Variants in COG1 observed in about 807,000 individuals in gnomAD.
COG1 encodes the protein conserved oligomeric Golgi complex subunit 1.
In COG1, 61 loss-of-function variants were observed where a neutral mutation model predicts 102.2. The observed-to-expected ratio is 0.60, with a 90% CI of 0.49 to 0.74. COG1 has a LOEUF of 0.74. Ranked by LOEUF, COG1 falls within the 30% of genes least tolerant of loss-of-function variation. COG1 has a pLI of 0.00. For missense variants in COG1, 1,164 were observed against 1,232.1 expected (o/e 0.94, Z 0.83); for synonymous variants, 454 against 493.6 (o/e 0.92, Z 1.06).
In COG1 at chr17:73,199,935, C is replaced by T. The variant is rs756930348; in HGVS notation, c.984C>T (p.Ile328=). 7 of 1,614,192 alleles carry T rather than the reference C, an allele frequency of 4.3e-6. No individual in the cohort carries two copies. In the Admixed American group the frequency reaches 8.3e-5, roughly 19 times the overall value. The change falls in exon 5 of 14, where the codon ATC becomes ATT. Residue 328 remains isoleucine (I), a synonymous_variant. Coordinates refer to ENST00000299886, the MANE Select transcript of COG1 (RefSeq NM_018714.3). The part of the protein sequence containing the change: ...CSWFKHLPAS[I]VEFQPTLRTL... ...GGTTTAAACACCTGCCAGCATCCAT[C>T]GTCGAGTTCCAGCCAACACTCCGAA...
intron 11 of COG1, 69 bp downstream of exon 11, chr17:73,206,331 C>G (rs980528802): frequency 1.7e-6 from 2 of 1,207,742 alleles, no homozygotes; most frequent in African/African-American, 3.0e-5. Flanking sequence ...AATTAACCTG[C>G]TCAAGCACGT....
At chr17:73,206,852 C>G in intron 12 of COG1, 35 bp downstream of exon 12, 1 of 1,466,008 alleles carries the variant, frequency 6.8e-7, no homozygotes, top group South Asian at 1.1e-5. Context: ...CGGGGCACTT[C>G]GGGAGGCCAA....
chr17:73,202,046 A>C lies in COG1; in HGVS notation c.2073+146A>C. The C allele has an allele frequency of 3.0e-6, 3 of 992,292 alleles. No individual in the cohort carries two copies. The South Asian group carries it at 4.1e-5, about 14-fold the overall frequency. The allele number at this position is 992,292 out of a possible 1,614,324, so 61.5% of individuals were successfully genotyped here. A position where few individuals can be genotyped will look rare whatever the true frequency, so the allele number is the denominator to read the frequency against. On this transcript the variant is annotated intron_variant, in intron 7 of 13. Coordinates refer to ENST00000299886, the MANE Select transcript of COG1 (RefSeq NM_018714.3). ...TTATCTCTGCCAGAAAGTTCAGTAA[A>C]AACTTTTTTGGCCGGGCGCGGTGGC...
rs1362790757 is a variant in COG1, at chr17:73,203,762, A to G, written c.2351A>G (p.Tyr784Cys). 11 of 1,614,246 alleles carry G rather than the reference A, an allele frequency of 6.8e-6. No individual in the cohort carries two copies. Among genetic ancestry groups the G allele is most frequent in the Non-Finnish European group, 9.3e-6 (11 of 1,180,044 alleles). ...KSCMVQVVAA[Y>C]EKLSEEKQIK... ...TGTATGGTTCAAGTAGTAGCTGCCT[A>G]TGAGAAACTCTCCGAAGAAAAACAG... Residue 784 changes from tyrosine to cysteine, a missense_variant, in exon 9 of 14, where the codon TAT becomes TGT. Transcript: ENST00000299886.
intron 10 of COG1, 194 bp from the exon 11 acceptor site, chr17:73,205,960 C>G: frequency 1.5e-6 from 1 of 678,550 alleles, no homozygotes. Context: ...ATAGACAGAA[C>G]GGGGGAAAGG....
At chr17:73,195,347 C>A (rs899600439) in intron 1 of COG1, among the ~76,000 whole-genome samples, 5 of 152,154 alleles carry the variant, frequency 3.3e-5, no homozygotes, top group African/African-American at 1.2e-4. Flanking sequence ...ACAGGTCAGG[C>A]GCTGTGGCTC....
chr17:73,201,998 A>C (rs1020710011), intron 7 of COG1, 98 bp downstream of exon 7: 1 of 1,204,780 alleles, frequency 8.3e-7, no homozygotes, highest in East Asian at 2.4e-5. Context: ...AGGCAAAACA[A>C]TTCTGATTTC....
rs11544800 is a variant in COG1 at position 73,196,734 on chromosome 17, A to G, written c.543A>G (p.Ala181=). 825,121 of 1,613,542 alleles carry G rather than the reference A, an allele frequency of 0.51. 214,493 individuals are homozygous for G. The highest frequency in any genetic ancestry group is 0.62 in the East Asian group (27,750 of 44,854). ...TTCCTATACTCATCCGGCAGGTGGC[A>G]GCCGCCAGCCACTTCCGGTAAGTGG... ...SRFPILIRQV[A]AASHFRSTIL... Residue 181 remains alanine (A), a synonymous_variant, in exon 2 of 14, where the codon GCA becomes GCG. Transcript: ENST00000299886.
At chr17:73,197,905 G>A (rs115267143) in intron 4 of COG1, among the ~76,000 whole-genome samples, 1,660 of 152,350 alleles carry the variant, frequency 0.011, 8 homozygotes, top group African/African-American at 0.017. Flanking sequence ...CCTTGTGAGC[G>A]AGGCTAGGGA....
chr17:73,202,173 T>TA (rs1002115360), intron 7 of COG1, among the ~76,000 whole-genome samples: 1 of 151,608 alleles, frequency 6.6e-6, no homozygotes. Context: ...CCGTCTCTAC[T>TA]AAAAAAATAC....
chr17:73,198,573 G>A (rs1483946799), intron 4 of COG1, among the ~76,000 whole-genome samples: 1 of 152,168 alleles, frequency 6.6e-6, no homozygotes, highest in Non-Finnish European at 1.5e-5. Context: ...GTGACAGAGC[G>A]AGAACCTGTC....
chr17:73,194,014 G>T (rs77351289), intron 1 of COG1, among the ~76,000 whole-genome samples: 1,540 of 152,062 alleles, frequency 0.01, 31 homozygotes, highest in African/African-American at 0.036. Context: ...TTCATTTTCA[G>T]AACTAAGGCT....
chr17:73,203,843 A>C, intron 9 of COG1, 50 bp downstream of exon 9: 1 of 1,603,048 alleles, frequency 6.2e-7, no homozygotes, highest in Non-Finnish European at 8.5e-7. Context: ...AACAAAAGAA[A>C]ACCTTAGCAT....
At chr17:73,207,679 TGTTAATACAC>T in intron 13 of COG1, 1 of 1,294,446 alleles carries the variant, frequency 7.7e-7, no homozygotes, top group South Asian at 1.2e-5. Context: ...GACATTTTCT[TGTTAATACAC>T]GTTTCATTTC....
intron 10 of COG1, 39 bp from the exon 11 acceptor site, chr17:73,206,114 TA>T: frequency 6.7e-7 from 1 of 1,486,976 alleles, no homozygotes; most frequent in Non-Finnish European, 9.4e-7. Context: ...TTTTTGATCC[TA>T]AAAAATGTGG....
intron 1 of COG1, among the ~76,000 whole-genome samples, chr17:73,194,743 C>A (rs1331518742): frequency 6.6e-6 from 1 of 152,084 alleles, no homozygotes; most frequent in East Asian, 1.9e-4. Flanking sequence ...GGATTACAGG[C>A]GCGAGAGCCA....
At position 73,193,091 on chromosome 17, in the gene COG1, C is replaced by A; in HGVS notation, c.22C>A (p.Pro8Thr). MATAATS[P>T]ALKRLDLRDP... ...CACCATGGCCACCGCGGCAACCTCA[C>A]CCGCGCTGAAGCGGCTGGATCTGCG... Residue 8 changes from proline to threonine, a missense_variant, in exon 1 of 14, where the codon CCC (proline) becomes ACC (threonine). Transcript: ENST00000299886. 3 of 1,611,840 alleles carry A rather than the reference C, an allele frequency of 1.9e-6. No individual in the cohort carries two copies. Among genetic ancestry groups the A allele is most frequent in the Non-Finnish European group, 2.5e-6 (3 of 1,179,520 alleles).
In COG1 at chr17:73,197,289, C is replaced by T. The variant is rs1298810194; in HGVS notation, c.806C>T (p.Ala269Val). The T allele has an allele frequency of 1.2e-6, 2 of 1,614,262 alleles. No homozygotes were observed. Among genetic ancestry groups the T allele is most frequent in the South Asian group, 2.2e-5 (2 of 91,090 alleles). ...TTGCTGGCCACCACTCTGAAGCAAG[C>T]TCATGCCCTTTTCTACACTTTGCCA... ...VELLATTLKQ[A>V]HALFYTLPEG... The change falls in exon 4 of 14, where the codon GCT (alanine) becomes GTT (valine). Residue 269 changes from alanine to valine, a missense_variant. Transcript: ENST00000299886.
At chr17:73,205,416 A>C in intron 9 of COG1, 137 bp from the exon 10 acceptor site, 1 of 887,710 alleles carries the variant, frequency 1.1e-6, no homozygotes, top group Non-Finnish European at 1.9e-6. Flanking sequence ...TTGTGAGATT[A>C]AACTGGCCAT....
Sources: allele counts gnomAD v4.1 joint callset (sites outside exome capture counted in the v4.1 genomes callset), GRCh38; gene constraint gnomAD v4.1.1; transcripts MANE v1.5; gene names NCBI Gene and HGNC (gene_info 2026-07-23, HGNC 2026-07-21).